CLASP1: variants seen among roughly 807,000 people sequenced by gnomAD.
CLASP1 encodes the protein CLIP-associating protein 1.
Under a neutral mutation model 192.3 loss-of-function variants are expected in CLASP1, and 38 were observed. The ratio of observed to expected loss-of-function variants is 0.20; its 90% CI spans 0.15 to 0.26. The LOEUF is 0.26. CLASP1 is among the 10% of genes least tolerant of loss of function. The pLI is 1.00. For missense variants in CLASP1, 1,433 were observed against 1,932.5 expected, an observed-to-expected ratio of 0.74 and a Z score of 4.85; for synonymous variants, 691 against 712.8, an observed-to-expected ratio of 0.97 and a Z score of 0.49.
chr2:121,509,203 T>A (rs1408026937), intron 7 of CLASP1, among the ~76,000 whole-genome samples: 5 of 152,008 alleles, frequency 3.3e-5, no homozygotes, highest in African/African-American at 7.2e-5. Context: ...TAAGACAGGG[T>A]CTCTCTCTGT....
chr2:121,551,227 A>T (rs1281530879), intron 2 of CLASP1, among the ~76,000 whole-genome samples: 1 of 152,204 alleles, frequency 6.6e-6, no homozygotes. Context: ...ACCTATGACA[A>T]ATGCACAGCC....
chr2:121,631,114 G>A (rs1293573405), intron 1 of CLASP1, among the ~76,000 whole-genome samples: 1 of 122,646 alleles, frequency 8.2e-6, no homozygotes, highest in Non-Finnish European at 1.6e-5. Context: ...AGCCGAGATT[G>A]CGCCATTACG....
At chr2:121,610,773 G>A (rs2065243509) in intron 1 of CLASP1, among the ~76,000 whole-genome samples, 2 of 139,526 alleles carry the variant, frequency 1.4e-5, no homozygotes, top group Admixed American at 7.1e-5. Context: ...AAGAGGAACT[G>A]GAGGAGGAGG....
chr2:121,425,153 T>C lies in CLASP1; in HGVS notation c.2198A>G (p.Asn733Ser), dbSNP rs115822315. ...AGAATCCTTACCTAATCCTATTCGG[T>C]TTGGACTTGTTTCCCGGCTACATCC... The change falls in exon 22 of 40, where the codon AAC becomes AGC. Residue 733 changes from asparagine (N) to serine (S), a missense_variant. Asn to Ser is a conservative substitution (Grantham distance 46). This residue lies in a region of CLASP1 where 445 missense variants were observed against 535.5 expected (regional missense o/e 0.83). Coordinates refer to ENST00000263710, the Ensembl canonical transcript of CLASP1. The C allele has an allele frequency of 1.3e-3, 2,016 of 1,611,406 alleles. 21 individuals carry two copies. The African/African-American group carries it at 0.023, about 18-fold the overall frequency.
In CLASP1 at chr2:121,342,443, A is replaced by T. The variant is rs190340522; in HGVS notation, c.4531-1496T>A. ...TTAGAAAACATCTTGAGACAAATGA[A>T]AATGATAAGACAATTTTTGGGGATG... is the stretch of plus-strand genomic sequence containing the variant. On this transcript the variant is annotated intron_variant, in intron 39 of 39. Coordinates refer to ENST00000263710, the Ensembl canonical transcript of CLASP1. Among the ~76,000 whole-genome samples, 99 of 152,252 alleles carry T rather than the reference A, an allele frequency of 6.5e-4. 1 individual carries two copies. Among genetic ancestry groups the T allele is most frequent in the African/African-American group, 2.3e-3 (96 of 41,534 alleles).
At chr2:121,574,721 A>G (rs1381271135) in intron 2 of CLASP1, among the ~76,000 whole-genome samples, 1 of 148,394 alleles carries the variant, frequency 6.7e-6, no homozygotes, top group East Asian at 2.0e-4. Context: ...GGCGGATCAC[A>G]AGGTCAGGAG....
chr2:121,478,855 C>A (rs2092179046), intron 8 of CLASP1, among the ~76,000 whole-genome samples: 1 of 56,918 alleles, frequency 1.8e-5, no homozygotes, highest in African/African-American at 1.2e-4. Context: ...ACACCACACA[C>A]CACACCACAC....
chr2:121,414,308 C>T (rs1390987234), intron 23 of CLASP1, among the ~76,000 whole-genome samples, 105 bp from the exon 24 acceptor site: 4 of 152,284 alleles, frequency 2.6e-5, no homozygotes, highest in Admixed American at 2.0e-4. Flanking sequence ...CCAACAAGGC[C>T]ATGTTTTCTC....
intron 2 of CLASP1, among the ~76,000 whole-genome samples, chr2:121,598,750 T>A (rs773797923): frequency 3.9e-5 from 6 of 152,224 alleles, no homozygotes; most frequent in Non-Finnish European, 5.9e-5. Flanking sequence ...TGAAACTAAG[T>A]AAGGAATAAA....
chr2:121,377,846 C>T (rs1019389634), intron 33 of CLASP1, among the ~76,000 whole-genome samples, 197 bp from the exon 35 acceptor site: 1 of 151,946 alleles, frequency 6.6e-6, no homozygotes, highest in African/African-American at 2.4e-5. Flanking sequence ...GTTAAATCTG[C>T]CAAACACATT....
chr2:121,583,450 T>TA lies in CLASP1; in HGVS notation c.195+22250dup, dbSNP rs1187650285. ...ATAAAATTGAAGAATAATGCATATA[T>TA]AAAAACCTGACACATAGCAGGAGAT... is the stretch of plus-strand genomic sequence containing the variant. On this transcript the variant is annotated intron_variant, in intron 2 of 39. Coordinates refer to ENST00000263710, the Ensembl canonical transcript of CLASP1. Among the ~76,000 whole-genome samples the TA allele has an allele frequency of 2.6e-5, 4 of 152,218 alleles. No individual in the cohort carries two copies. In the East Asian group the frequency reaches 7.7e-4, roughly 29 times the overall value.
At chr2:121,503,394 A>G (rs577283055) in intron 7 of CLASP1, among the ~76,000 whole-genome samples, 160 bp from the exon 8 acceptor site, 20 of 152,344 alleles carry the variant, frequency 1.3e-4, no homozygotes, top group African/African-American at 4.8e-4. Context: ...AACATTAACA[A>G]TAGCCAACAA....
At chr2:121,605,518 G>A (rs1015591971) in intron 2 of CLASP1, among the ~76,000 whole-genome samples, 183 bp downstream of exon 2, 1 of 152,166 alleles carries the variant, frequency 6.6e-6, no homozygotes, top group African/African-American at 2.4e-5. Context: ...GATCTGCAAT[G>A]AGTATCAAAG....
chr2:121,369,850 T>C (rs146980794), intron 34 of CLASP1, among the ~76,000 whole-genome samples: 108 of 152,362 alleles, frequency 7.1e-4, no homozygotes, highest in African/African-American at 2.4e-3. Flanking sequence ...TTTCTTCTGT[T>C]GAGTTCTTTC....
intron 30 of CLASP1, among the ~76,000 whole-genome samples, chr2:121,394,776 A>C (rs2074995338): frequency 6.6e-6 from 1 of 152,182 alleles, no homozygotes; most frequent in South Asian, 2.1e-4. Context: ...GCTACTCGGG[A>C]GGCTGAGGCA....
At chr2:121,468,948 C>T (rs1226249985) in intron 9 of CLASP1, among the ~76,000 whole-genome samples, 1 of 152,130 alleles carries the variant, frequency 6.6e-6, no homozygotes, top group Admixed American at 6.5e-5. Context: ...TTTGAGTTTT[C>T]AGCGCTTTTG....
intron 1 of CLASP1, among the ~76,000 whole-genome samples, chr2:121,615,978 G>A (rs1019102652): frequency 2.6e-5 from 4 of 152,056 alleles, no homozygotes; most frequent in Non-Finnish European, 5.9e-5. Context: ...TTTACTAACT[G>A]AAACATGAAA....
chr2:121,470,639 C>T (rs1329060429), intron 8 of CLASP1: 1 of 451,584 alleles, frequency 2.2e-6, no homozygotes, highest in Non-Finnish European at 4.4e-6. Context: ...ATTGCCAATA[C>T]TTTCCTACAC....
intron 19 of CLASP1, among the ~76,000 whole-genome samples, chr2:121,443,654 A>G (rs926440242): frequency 6.6e-6 from 1 of 152,188 alleles, no homozygotes; most frequent in Non-Finnish European, 1.5e-5. Flanking sequence ...TTTTTTTACA[A>G]ACTTGTCCGA....
Sources: allele counts gnomAD v4.1 joint callset (sites outside exome capture counted in the v4.1 genomes callset), GRCh38; gene constraint gnomAD v4.1.1; regional missense constraint gnomAD v4.1.1; transcripts MANE v1.5; gene names NCBI Gene and HGNC (gene_info 2026-07-23, HGNC 2026-07-21).